C6orf89: variants seen among roughly 807,000 people sequenced by gnomAD.
C6orf89 encodes bombesin receptor-activated protein C6orf89.
A neutral mutation model predicts 40.7 loss-of-function variants in C6orf89; 29 were observed. That is an observed-to-expected ratio of 0.71 (90% confidence interval 0.53 to 0.97). The LOEUF (loss-of-function observed/expected upper bound fraction) is 0.97, where lower values mean the gene tolerates loss of function less well. Among genes scored for constraint, C6orf89 ranks in the 50% least tolerant of loss-of-function variants. The pLI, the probability that C6orf89 is intolerant of heterozygous loss-of-function variation, is 0.00. For missense variants in C6orf89, 392 were observed against 429.1 expected, an observed-to-expected ratio of 0.91 and a Z score of 0.76; for synonymous variants, 165 against 152.2, an observed-to-expected ratio of 1.08 and a Z score of -0.62.
intron 2 of C6orf89, among the ~76,000 whole-genome samples, chr6:36,895,808 C>T (rs1399700867): frequency 6.6e-6 from 1 of 152,192 alleles, no homozygotes; most frequent in Non-Finnish European, 1.5e-5. Context: ...TTGCTGTTCA[C>T]ATTTGTGCAC....
chr6:36,926,970 ACT>A lies in C6orf89; in HGVS notation c.*3532_*3533del, dbSNP rs1312961326. 2 of 152,120 alleles carry A rather than the reference ACT, an allele frequency of 1.3e-5. No homozygotes were observed. Among genetic ancestry groups the A allele is most frequent in the East Asian group, 1.9e-4 (1 of 5,188 alleles). The allele number at this position is 152,120 out of a possible 1,614,324, so 9.4% of individuals were successfully genotyped here. On this transcript the variant is annotated 3_prime_UTR_variant, in exon 9 of 9. Coordinates refer to ENST00000480824, the MANE Select transcript of C6orf89 (RefSeq NM_001286635.2). ...GAACTCCGCAGGGTTTGTTTTTAAAACTCTGCTGGACAGAAGTGGAGGAGGAA... is the reference window on the plus strand; with the variant it reads ...GAACTCCGCAGGGTTTGTTTTTAAAACTGCTGGACAGAAGTGGAGGAGGAA...
In C6orf89 at chr6:36,921,233, G is replaced by T. The variant is rs923565989; in HGVS notation, c.949+1532G>T. Among the ~76,000 whole-genome samples the T allele has an allele frequency of 2.0e-5, 3 of 152,240 alleles. No individual in the cohort carries two copies. The South Asian group carries it at 6.2e-4, about 32-fold the overall frequency. ...TCTGGGAGAAGAATGGGGGCAGGGAGGGGTGGGGAAGCCAGCGAGCACCTG... is the reference window on the plus strand; with the variant it reads ...TCTGGGAGAAGAATGGGGGCAGGGATGGGTGGGGAAGCCAGCGAGCACCTG... On this transcript the variant is annotated intron_variant, in intron 8 of 8. Coordinates refer to ENST00000480824, the MANE Select transcript of C6orf89 (RefSeq NM_001286635.2).
rs76814922 is a variant in C6orf89, at chr6:36,888,090, A to G, written c.-120+2062A>G. Among the ~76,000 whole-genome samples the G allele has an allele frequency of 2.9e-4, 44 of 152,364 alleles. No individual in the cohort carries two copies. In the East Asian group the frequency reaches 7.7e-3, roughly 27 times the overall value. On this transcript the variant is annotated intron_variant, in intron 1 of 8. Coordinates refer to ENST00000480824, the MANE Select transcript of C6orf89 (RefSeq NM_001286635.2). ...GTCTGGCTATTGGAACAAATGTGTT[A>G]CATCATTTTATAATTCTCTGAAATA...
intron 2 of C6orf89, among the ~76,000 whole-genome samples, chr6:36,895,355 G>C (rs554081144): frequency 2.0e-3 from 304 of 152,144 alleles, no homozygotes; most frequent in Non-Finnish European, 2.1e-3. Flanking sequence ...TGTTAGTATG[G>C]CTCTTAATGC....
chr6:36,913,001 G>A (rs1762183146), intron 4 of C6orf89, among the ~76,000 whole-genome samples: 1 of 152,178 alleles, frequency 6.6e-6, no homozygotes, highest in African/African-American at 2.4e-5. Flanking sequence ...TCCTGATTTG[G>A]TTTCCATTGG....
chr6:36,922,089 C>T (rs1026972063), intron 8 of C6orf89, among the ~76,000 whole-genome samples: 3 of 152,180 alleles, frequency 2.0e-5, no homozygotes, highest in Admixed American at 2.0e-4. Flanking sequence ...GTAATCCCAG[C>T]ACTTGGGGAG....
intron 2 of C6orf89, among the ~76,000 whole-genome samples, chr6:36,894,978 A>G (rs1327753166): frequency 6.6e-6 from 1 of 152,158 alleles, no homozygotes; most frequent in Non-Finnish European, 1.5e-5. Flanking sequence ...TCATCTCACT[A>G]GCAATTGGCA....
intron 6 of C6orf89, among the ~76,000 whole-genome samples, 189 bp downstream of exon 6, chr6:36,914,882 C>G (rs10080913): frequency 0.024 from 3,607 of 152,258 alleles, 117 homozygotes; most frequent in African/African-American, 0.08. Flanking sequence ...CCCAGCTACT[C>G]TGGAGGCTGA....
At chr6:36,899,726 A>T in intron 3 of C6orf89, 93 bp downstream of exon 3, 1 of 1,245,882 alleles carries the variant, frequency 8.0e-7, no homozygotes. Flanking sequence ...CCCACCACTG[A>T]GCATTGGTTT....
chr6:36,923,904 C>T lies in C6orf89; in HGVS notation c.*463C>T, dbSNP rs1244783728. The stretch of plus-strand genomic sequence containing the variant: ...CCACATCACTCTACTTTTTGGAAGG[C>T]CATGGCTGATTAAAGAAGTTCTTGT... On this transcript the variant is annotated 3_prime_UTR_variant, in exon 9 of 9. Transcript: ENST00000480824. 14 of 229,320 alleles carry T rather than the reference C, an allele frequency of 6.1e-5. No homozygotes were observed. The highest frequency in any genetic ancestry group is 1.2e-4 in the Non-Finnish European group (13 of 112,960). The allele number at this position is 229,320 out of a possible 1,614,324, so 14.2% of individuals were successfully genotyped here.
chr6:36,905,495 C>T (rs920928557), intron 4 of C6orf89, among the ~76,000 whole-genome samples: 7 of 152,208 alleles, frequency 4.6e-5, no homozygotes, highest in Admixed American at 1.3e-4. Context: ...TTCCAAGCTT[C>T]TGACCCTTTA....
At chr6:36,897,371 T>G (rs1761476806) in intron 2 of C6orf89, among the ~76,000 whole-genome samples, 1 of 152,216 alleles carries the variant, frequency 6.6e-6, no homozygotes, top group Non-Finnish European at 1.5e-5. Context: ...CCTCTGTATA[T>G]GTATATGCAG....
At chr6:36,920,461 C>T (rs1762473367) in intron 8 of C6orf89, among the ~76,000 whole-genome samples, 1 of 152,162 alleles carries the variant, frequency 6.6e-6, no homozygotes, top group African/African-American at 2.4e-5. Flanking sequence ...CTAGGCAAGA[C>T]CTGGAGTCTC....
At chr6:36,878,733 C>A (rs547132317) in intron 1 of C6orf89, among the ~76,000 whole-genome samples, 1 of 152,172 alleles carries the variant, frequency 6.6e-6, no homozygotes, top group Non-Finnish European at 1.5e-5. Context: ...CCAATCCCAG[C>A]GGCCATACTT....
intron 1 of C6orf89, among the ~76,000 whole-genome samples, chr6:36,886,549 A>C (rs1774997010): frequency 6.6e-6 from 1 of 152,180 alleles, no homozygotes; most frequent in Admixed American, 6.5e-5. Flanking sequence ...GTTGTTTGTA[A>C]TCACCTCTTA....
At position 36,900,992 on chromosome 6, in the gene C6orf89, A is replaced by G. The variant is rs181114310; in HGVS notation, c.190-1229A>G. On this transcript the variant is annotated intron_variant, in intron 3 of 8. Transcript: ENST00000480824. ...CTCCCAAGTAGCTGGGATTACAGGC[A>G]TGCGCAACCATGCCCGGCTAATTTT... Among the ~76,000 whole-genome samples the G allele has an allele frequency of 4.4e-3, 665 of 151,850 alleles. 3 individuals carry two copies. The highest frequency in any genetic ancestry group is 0.013 in the African/African-American group (537 of 41,410).
At chr6:36,891,368 C>T (rs796742427) in intron 1 of C6orf89, among the ~76,000 whole-genome samples, 1 of 152,094 alleles carries the variant, frequency 6.6e-6, no homozygotes, top group African/African-American at 2.4e-5. Flanking sequence ...GTATATGTGC[C>T]ACATTTTCTT....
intron 4 of C6orf89, among the ~76,000 whole-genome samples, chr6:36,903,957 T>TAA (rs1262257204): frequency 2.1e-5 from 3 of 142,052 alleles, no homozygotes; most frequent in African/African-American, 7.7e-5. Flanking sequence ...CCAACAGAGC[T>TAA]AAAAAAAAAA....
chr6:36,911,930 ACC>A lies in C6orf89; in HGVS notation c.404-2343_404-2342del, dbSNP rs532436687. Among the ~76,000 whole-genome samples the A allele has an allele frequency of 3.6e-3, 329 of 91,918 alleles. 11 individuals are homozygous for A. The highest frequency in any genetic ancestry group is 9.9e-3 in the East Asian group (35 of 3,518). The allele number at this position is 91,918 out of a possible 152,430, so 60.3% of individuals were successfully genotyped here. A position where few individuals can be genotyped will look rare whatever the true frequency, so the allele number is the denominator to read the frequency against. ...TATATTTCACTTCTCATCACAGTGA[ACC>A]CCCCCCCCCCGACCTTTTCCCTAAA... On this transcript the variant is annotated intron_variant, in intron 4 of 8. Transcript: ENST00000480824.
Sources: allele counts gnomAD v4.1 joint callset (sites outside exome capture counted in the v4.1 genomes callset), GRCh38; gene constraint gnomAD v4.1.1; transcripts MANE v1.5; gene names NCBI Gene and HGNC (gene_info 2026-07-23, HGNC 2026-07-21).